The following LHFPL3 variants were observed in gnomAD, a reference collection of about 807,000 sequenced individuals.
LHFPL3 encodes the protein LHFPL tetraspan subfamily member 3 protein.
LHFPL3 carries 5 observed loss-of-function variants against 19.3 expected under a neutral mutation model. That is an observed-to-expected ratio of 0.26 (90% confidence interval 0.14 to 0.54). LHFPL3 has a LOEUF of 0.54. LHFPL3 is among the 20% of genes least tolerant of loss of function. The pLI, the probability that LHFPL3 is intolerant of heterozygous loss-of-function variation, is 0.94. For synonymous variants in LHFPL3, 133 were observed against 126.2 expected (o/e 1.05, Z -0.36); for missense variants, 249 against 307.4 (o/e 0.81, Z 1.42).
chr7:104,348,774 T>G (rs966169171), intron 1 of LHFPL3, among the ~76,000 whole-genome samples: 1 of 152,128 alleles, frequency 6.6e-6, no homozygotes, highest in African/African-American at 2.4e-5. Context: ...AGAAAAAGAC[T>G]GAAAGACACT....
intron 1 of LHFPL3, among the ~76,000 whole-genome samples, chr7:104,433,834 C>A (rs149520922): frequency 8.1e-4 from 123 of 152,280 alleles, no homozygotes; most frequent in African/African-American, 2.8e-3. Flanking sequence ...GTCTTCCCTT[C>A]TACACTGTAA....
intron 1 of LHFPL3, among the ~76,000 whole-genome samples, chr7:104,562,547 C>A (rs1242198822): frequency 2.6e-5 from 4 of 151,962 alleles, no homozygotes; most frequent in Non-Finnish European, 5.9e-5. Context: ...CTCCTTTAAG[C>A]ACTTCTCTGT....
At chr7:104,603,090 C>CTTTCTTT (rs1791007735) in intron 1 of LHFPL3, among the ~76,000 whole-genome samples, 4 of 125,338 alleles carry the variant, frequency 3.2e-5, no homozygotes, top group Admixed American at 8.1e-5. Flanking sequence ...TTCTTTCTTT[C>CTTTCTTT]TTTCTTTCTT....
intron 1 of LHFPL3, among the ~76,000 whole-genome samples, chr7:104,590,129 C>T (rs1283000674): frequency 1.4e-4 from 21 of 152,124 alleles, no homozygotes; most frequent in Admixed American, 2.6e-4. Flanking sequence ...CTGCTCTCAT[C>T]TTAGTTATTT....
intron 1 of LHFPL3, among the ~76,000 whole-genome samples, chr7:104,365,787 C>CCA (rs1554381840): frequency 2.0e-5 from 1 of 49,972 alleles, no homozygotes; most frequent in Non-Finnish European, 3.8e-5. Flanking sequence ...GACTCCGTCT[C>CCA]AAAAAAAAAA....
At chr7:104,576,787 A>T (rs1320032948) in intron 1 of LHFPL3, among the ~76,000 whole-genome samples, 1 of 152,206 alleles carries the variant, frequency 6.6e-6, no homozygotes, top group Non-Finnish European at 1.5e-5. Context: ...ATGGCTATAA[A>T]CAAATCCTGG....
At chr7:104,460,719 G>T (rs1446065603) in intron 1 of LHFPL3, among the ~76,000 whole-genome samples, 2 of 151,968 alleles carry the variant, frequency 1.3e-5, no homozygotes, top group Non-Finnish European at 2.9e-5. Flanking sequence ...GTAAATTTAA[G>T]TTTCTTGTAG....
chr7:104,907,845 G>A lies in LHFPL3; in HGVS notation c.*1630G>A, dbSNP rs1276968510. Reference sequence around the variant, plus strand: ...TACGGGCCATCTTTTCACCATAAATGGCATTATGTTTCAAATGGCTAAAAG... The same window carrying A: ...TACGGGCCATCTTTTCACCATAAATAGCATTATGTTTCAAATGGCTAAAAG... On this transcript the variant is annotated 3_prime_UTR_variant, in exon 3 of 3. Transcript: ENST00000424859. Among the ~76,000 whole-genome samples, 1 of 152,116 alleles carries A rather than the reference G, an allele frequency of 6.6e-6. No individual in the cohort carries two copies. Among genetic ancestry groups the A allele is most frequent in the African/African-American group, 2.4e-5 (1 of 41,414 alleles).
chr7:104,873,120 A>G (rs1791867990), intron 2 of LHFPL3, among the ~76,000 whole-genome samples: 1 of 152,224 alleles, frequency 6.6e-6, no homozygotes, highest in South Asian at 2.1e-4. Flanking sequence ...CCTGTTGTAG[A>G]CCAAAACACC....
At chr7:104,720,506 A>G (rs1238507314) in intron 1 of LHFPL3, among the ~76,000 whole-genome samples, 1 of 152,222 alleles carries the variant, frequency 6.6e-6, no homozygotes, top group Non-Finnish European at 1.5e-5. Flanking sequence ...CTAAAACACC[A>G]AAAGCAATGG....
chr7:104,682,630 G>A (rs150266085), intron 1 of LHFPL3, among the ~76,000 whole-genome samples: 4,888 of 152,274 alleles, frequency 0.032, 122 homozygotes, highest in Middle Eastern at 0.065. Flanking sequence ...GAGGGTCCTG[G>A]AATGGGACTG....
At chr7:104,755,582 C>CCACACA (rs35584345) in intron 2 of LHFPL3, among the ~76,000 whole-genome samples, 27,964 of 150,494 alleles carry the variant, frequency 0.19, 2,992 homozygotes, top group South Asian at 0.41. Flanking sequence ...CCCAACACCA[C>CCACACA]CACACACACA....
intron 1 of LHFPL3, among the ~76,000 whole-genome samples, chr7:104,600,200 A>G (rs1437360403): frequency 6.6e-6 from 1 of 152,260 alleles, no homozygotes; most frequent in Non-Finnish European, 1.5e-5. Flanking sequence ...TCATAGTAGC[A>G]GAATTGCTAA....
chr7:104,459,049 C>T (rs965147047), intron 1 of LHFPL3, among the ~76,000 whole-genome samples: 1 of 152,250 alleles, frequency 6.6e-6, no homozygotes, highest in Non-Finnish European at 1.5e-5. Flanking sequence ...TGGAAGCTTG[C>T]AGCATAGCAC....
intron 1 of LHFPL3, among the ~76,000 whole-genome samples, chr7:104,715,685 A>G (rs573866577): frequency 3.5e-4 from 54 of 152,342 alleles, no homozygotes; most frequent in African/African-American, 1.3e-3. Flanking sequence ...TTATTGTGGC[A>G]TATCACATTG....
intron 2 of LHFPL3, among the ~76,000 whole-genome samples, chr7:104,900,543 T>C (rs1027309666): frequency 4.6e-5 from 7 of 152,204 alleles, no homozygotes; most frequent in Non-Finnish European, 7.3e-5. Context: ...TTATCCTCCA[T>C]CGTCTCCTGT....
intron 1 of LHFPL3, among the ~76,000 whole-genome samples, chr7:104,448,520 G>T (rs113372254): frequency 6.6e-6 from 1 of 152,138 alleles, no homozygotes; most frequent in Non-Finnish European, 1.5e-5. Context: ...TGAAAAATAC[G>T]TGTTATTTTG....
intron 1 of LHFPL3, among the ~76,000 whole-genome samples, chr7:104,422,869 A>T (rs565900452): frequency 9.0e-4 from 137 of 152,356 alleles, no homozygotes; most frequent in Non-Finnish European, 1.5e-3. Flanking sequence ...AGATGGAATT[A>T]GCACCTGTCC....
intron 1 of LHFPL3, among the ~76,000 whole-genome samples, chr7:104,448,226 T>C (rs1350369936): frequency 6.6e-6 from 1 of 152,182 alleles, no homozygotes; most frequent in African/African-American, 2.4e-5. Flanking sequence ...TTTTGAATAA[T>C]GAAAAATACA....
Sources: allele counts gnomAD v4.1 joint callset (sites outside exome capture counted in the v4.1 genomes callset), GRCh38; gene constraint gnomAD v4.1.1; transcripts MANE v1.5; gene names NCBI Gene and HGNC (gene_info 2026-07-23, HGNC 2026-07-21).